ARHGEF16: variants seen among roughly 807,000 people sequenced by gnomAD.
The protein encoded by ARHGEF16 is Rho guanine exchange factor (GEF) 16.
A neutral mutation model predicts 74.1 loss-of-function variants in ARHGEF16; 59 were observed. That is an observed-to-expected ratio of 0.80 (90% CI 0.65 to 0.99). The LOEUF (loss-of-function observed/expected upper bound fraction) is 0.99, where lower values mean the gene tolerates loss of function less well. ARHGEF16 is among the 50% of genes least tolerant of loss of function. The probability of loss-of-function intolerance (pLI) is 0.00; values close to 1 mark genes in which losing one functional copy is unlikely to be tolerated. For missense variants in ARHGEF16, 948 were observed against 986.6 expected, an observed-to-expected ratio of 0.96 and a Z score of 0.52; for synonymous variants, 415 against 412.6, an observed-to-expected ratio of 1.01 and a Z score of -0.07.
chr1:3,463,552 G>C lies in ARHGEF16; in HGVS notation c.468G>C (p.Ala156=). The part of the protein sequence containing the change: ...RRNLRNQSYR[A]AMKGLGKPGG... ...ACCTGCGGAACCAATCCTACCGGGCGGCCATGAAGGGCCTGGGGAAGCCAG... is the reference window on the plus strand; with the variant it reads ...ACCTGCGGAACCAATCCTACCGGGCCGCCATGAAGGGCCTGGGGAAGCCAG... The change falls in exon 2 of 15, where the codon GCG becomes GCC. Residue 156 remains alanine, a synonymous_variant. Transcript: ENST00000378378. 1 of 1,458,262 alleles carries C rather than the reference G, an allele frequency of 6.9e-7. No individual in the cohort carries two copies. The highest frequency in any genetic ancestry group is 9.1e-7 in the Non-Finnish European group (1 of 1,101,740). The allele number at this position is 1,458,262 out of a possible 1,614,324, so 90.3% of individuals were successfully genotyped here.
chr1:3,474,858 G>A (rs1170697152), intron 9 of ARHGEF16, 76 bp downstream of exon 9: 23 of 1,026,540 alleles, frequency 2.2e-5, no homozygotes, highest in Admixed American at 5.4e-5. Flanking sequence ...CACCCTACCC[G>A]ATGGCATAGG....
At chr1:3,479,666 A>C in intron 13 of ARHGEF16, 76 bp downstream of exon 13, 1 of 1,575,628 alleles carries the variant, frequency 6.3e-7, no homozygotes, top group Non-Finnish European at 8.6e-7. Flanking sequence ...AGCCCAAGTG[A>C]GCCTGGCACC....
At chr1:3,462,683 C>A (rs1639428220) in intron 1 of ARHGEF16, among the ~76,000 whole-genome samples, 3 of 152,352 alleles carry the variant, frequency 2.0e-5, no homozygotes, top group African/African-American at 7.2e-5. Context: ...TGCACCTGAG[C>A]TGCCCCACCT....
At chr1:3,465,905 C>T (rs1033769043) in intron 2 of ARHGEF16, 10 of 529,112 alleles carry the variant, frequency 1.9e-5, no homozygotes, top group Admixed American at 3.7e-5. Flanking sequence ...CGTCCCCTCA[C>T]GATGAGTTCA....
At chr1:3,478,055 G>T in intron 11 of ARHGEF16, 29 bp downstream of exon 11, 1 of 1,612,342 alleles carries the variant, frequency 6.2e-7, no homozygotes, top group Non-Finnish European at 8.5e-7. Flanking sequence ...GGTGTGGGGA[G>T]CCCCACTCCA....
chr1:3,478,304 G>A, intron 11 of ARHGEF16, 120 bp from the exon 12 acceptor site: 2 of 1,162,486 alleles, frequency 1.7e-6, no homozygotes, highest in Non-Finnish European at 2.5e-6. Context: ...AACTCTTGGA[G>A]CCCGTCCGTG....
At chr1:3,478,702 C>G (rs1639968858) in intron 12 of ARHGEF16, 90 bp downstream of exon 12, 11 of 1,418,040 alleles carry the variant, frequency 7.8e-6, no homozygotes, top group Admixed American at 7.1e-5. Flanking sequence ...CTCGCTGTTG[C>G]ATGGCTGGCT....
At chr1:3,473,029 G>T (rs763079113) in intron 6 of ARHGEF16, 49 bp from the exon 7 acceptor site, 12 of 1,589,464 alleles carry the variant, frequency 7.5e-6, no homozygotes, top group Non-Finnish European at 1.0e-5. Flanking sequence ...CACACGTGGG[G>T]CCCGACCACC....
At chr1:3,471,484 T>G in intron 6 of ARHGEF16, 1 of 315,656 alleles carries the variant, frequency 3.2e-6, no homozygotes, top group Non-Finnish European at 4.7e-6. Flanking sequence ...CCTGTAGAGC[T>G]CCAGGGACCA....
chr1:3,463,754 C>A (rs1022748833), intron 2 of ARHGEF16, 82 bp downstream of exon 2: 21 of 1,201,170 alleles, frequency 1.7e-5, no homozygotes, highest in Non-Finnish European at 2.2e-5. Context: ...CCGTCATCTT[C>A]TGCATCATGG....
Position 3,463,244 on chromosome 1 carries a change from G to A in ARHGEF16, c.160G>A (p.Val54Ile), listed in dbSNP as rs1639448155. 8 of 1,548,064 alleles carry A rather than the reference G, an allele frequency of 5.2e-6. No homozygotes were observed. Among genetic ancestry groups the A allele is most frequent in the African/African-American group, 2.7e-5 (2 of 72,984 alleles). Residue 54 changes from valine to isoleucine, a missense_variant, in exon 2 of 15, where the codon GTC becomes ATC. Physicochemically the swap from Val to Ile is conservative, Grantham distance 29. Transcript: ENST00000378378. ...AGACGATGCCGCCTTCCAGCCCCAG[G>A]TCCCGGCACCCCCACAGCCTCGGCC... ...VRDDAAFQPQ[V>I]PAPPQPRPPG...
chr1:3,465,781 G>C (rs543504499), intron 2 of ARHGEF16, among the ~76,000 whole-genome samples: 50 of 152,266 alleles, frequency 3.3e-4, no homozygotes, highest in Middle Eastern at 3.4e-3. Flanking sequence ...ATCCTTGCTC[G>C]TCTGTCCCAC....
At chr1:3,471,762 G>A in intron 6 of ARHGEF16, 1 of 1,182,756 alleles carries the variant, frequency 8.5e-7, no homozygotes, top group South Asian at 1.6e-5. Context: ...CATTCACAGT[G>A]AACTGTCTGG....
Position 3,468,450 on chromosome 1 carries a change from C to T in ARHGEF16, c.805-430C>T, listed in dbSNP as rs372796408. ...GAGGAGGGAGCCCGGGCGGAAACAG[C>T]GTCACCCATAGCTTCCAGGCAGGGC... On this transcript the variant is annotated intron_variant, in intron 4 of 14. Transcript: ENST00000378378. The T allele has an allele frequency of 2.0e-4, 40 of 201,556 alleles. No individual in the cohort carries two copies. In the East Asian group the frequency reaches 4.0e-3, roughly 20 times the overall value. The allele number at this position is 201,556 out of a possible 1,614,324, so 12.5% of individuals were successfully genotyped here.
intron 7 of ARHGEF16, 21 bp downstream of exon 7, chr1:3,473,251 C>T: frequency 6.2e-7 from 1 of 1,610,298 alleles, no homozygotes; most frequent in South Asian, 1.1e-5. Context: ...GGCCCCGAGG[C>T]CCGCAGGGTG....
Position 3,463,408 on chromosome 1 carries a change from CG to C in ARHGEF16, c.328del (p.Ala110ArgfsTer36), listed in dbSNP as rs1200334645. 4 of 1,550,000 alleles carry C rather than the reference CG, an allele frequency of 2.6e-6. No individual in the cohort carries two copies. Among genetic ancestry groups the C allele is most frequent in the African/African-American group, 1.4e-5 (1 of 73,050 alleles). ...AKTPARHQSF[G>X]AAVLSREAAR... ...AGACCCCAGCCCGCCACCAGAGCTT[CG>C]GGGCGGCTGTACTTAGCAGGGAGGC... On this transcript the variant is annotated frameshift_variant, in exon 2 of 15. Transcript: ENST00000378378. LOFTEE classifies it high-confidence loss of function.
chr1:3,478,732 C>T (rs1639969689), intron 12 of ARHGEF16, 120 bp downstream of exon 12: 2 of 1,160,184 alleles, frequency 1.7e-6, no homozygotes, highest in Non-Finnish European at 2.4e-6. Flanking sequence ...CACCGTGCAC[C>T]TGGCCCTGCT....
At chr1:3,476,947 C>G (rs1472181490) in intron 10 of ARHGEF16, among the ~76,000 whole-genome samples, 1 of 152,186 alleles carries the variant, frequency 6.6e-6, no homozygotes, top group African/African-American at 2.4e-5. Flanking sequence ...CTGATCCTCT[C>G]GAGTCTGGGG....
rs74614375 is a variant in ARHGEF16, at chr1:3,480,510, C to T, written c.2053C>T (p.Arg685Cys). 1.1e-5 allele frequency: 18 copies of T among 1,612,414 alleles called. No homozygotes were observed. The highest frequency in any genetic ancestry group is 1.1e-4 in the East Asian group (5 of 44,894). The change falls in exon 15 of 15, where the codon CGC becomes TGC. Residue 685 changes from arginine to cysteine, a missense_variant. Transcript: ENST00000378378. ...GGGATGGTTCCCCGAGGACTTTGCC[C>T]GCTTCATCACCAGCCGTGTGGCCGT... Reference protein sequence around the residue: ...ETGWFPEDFARFITSRVAVEG... With the variant: ...ETGWFPEDFACFITSRVAVEG...
Sources: gnomAD v4.1 joint callset for allele counts (sites outside exome capture counted in the v4.1 genomes callset) on GRCh38, gnomAD v4.1.1 for gene constraint, MANE v1.5 for transcripts, NCBI Gene and HGNC (gene_info 2026-07-23, HGNC 2026-07-21) for gene names.